Variants in ENOX2 observed in about 807,000 individuals in gnomAD.
ENOX2 encodes APK1 antigen.
In ENOX2, 36 loss-of-function variants were observed where a neutral mutation model predicts 45.0. The observed-to-expected ratio is 0.80, with a 90% CI of 0.61 to 1.06. ENOX2 has a LOEUF of 1.06. Ranked by LOEUF, ENOX2 falls within the 50% of genes least tolerant of loss-of-function variation. The probability of loss-of-function intolerance (pLI) is 0.00; values close to 1 mark genes in which losing one functional copy is unlikely to be tolerated. For missense variants in ENOX2, 423 were observed against 462.5 expected (o/e 0.91, Z 0.78); for synonymous variants, 174 against 152.3 (o/e 1.14, Z -1.05).
In ENOX2 at chrX:130,631,475, C is replaced by A; in HGVS notation, c.1521G>T (p.Leu507=). ...GTGCATTAGCTTCCTTACCCACTAG[C>A]AGTGCTTCACGTTCAGATTTGATAG... ...SSPIKSEREA[L]LVGIISTFLH... Residue 507 remains leucine, a synonymous_variant, in exon 13 of 15, where the codon CTG becomes CTT. Coordinates refer to ENST00000394363, the MANE Select transcript of ENOX2 (RefSeq NM_006375.4). 8.7e-7 allele frequency: 1 copy of A among 1,149,583 alleles called. No individual in the cohort carries two copies. The allele number at this position is 1,149,583 out of a possible 1,213,427, so 94.7% of individuals were successfully genotyped here. A position where few individuals can be genotyped will look rare whatever the true frequency, so the allele number is the denominator to read the frequency against.
At chrX:130,842,298 G>A (rs1397582642) in intron 2 of ENOX2, among the ~76,000 whole-genome samples, 1 of 112,669 alleles carries the variant, frequency 8.9e-6, no homozygotes, top group Admixed American at 9.4e-5. Flanking sequence ...TCAGACAGAA[G>A]CACTGAAAAT....
chrX:130,672,496 G>T (rs1218757021), intron 6 of ENOX2, among the ~76,000 whole-genome samples: 1 of 112,774 alleles, frequency 8.9e-6, no homozygotes, highest in Non-Finnish European at 1.9e-5. Context: ...TTGGCCTGAG[G>T]CCTGAGGTTG....
chrX:130,845,749 G>A lies in ENOX2; in HGVS notation c.-183+55935C>T, dbSNP rs1429046122. On this transcript the variant is annotated intron_variant, in intron 2 of 14. Transcript: ENST00000394363. ...CAAAGTGCTGGGATTACAGGCATGA[G>A]CCACTGCACCTGGCCAACCAATACT... Among the ~76,000 whole-genome samples the A allele has an allele frequency of 2.7e-5, 3 of 112,721 alleles. No individual in the cohort carries two copies. The East Asian group carries it at 8.4e-4, about 31-fold the overall frequency.
intron 12 of ENOX2, among the ~76,000 whole-genome samples, chrX:130,632,017 C>A (rs1001973674): frequency 2.7e-5 from 3 of 110,623 alleles, no homozygotes; most frequent in African/African-American, 9.9e-5. Context: ...GTTAAAAGGA[C>A]CATTGTTTTT....
chrX:130,694,469 A>G (rs898971037), intron 4 of ENOX2, among the ~76,000 whole-genome samples: 6 of 111,508 alleles, frequency 5.4e-5, no homozygotes, highest in East Asian at 2.8e-4. Flanking sequence ...CTAAGATAAC[A>G]GTTGTCTACC....
chrX:130,847,098 C>T (rs1028099877), intron 2 of ENOX2, among the ~76,000 whole-genome samples: 4 of 111,085 alleles, frequency 3.6e-5, no homozygotes, highest in South Asian at 3.7e-4. Flanking sequence ...TGTGTTTTCA[C>T]GTTTGTGTTA....
chrX:130,892,131 T>C (rs1218859904), intron 2 of ENOX2, among the ~76,000 whole-genome samples: 2 of 112,080 alleles, frequency 1.8e-5, no homozygotes, highest in African/African-American at 6.5e-5. Context: ...ATCCTTGTAT[T>C]CACAGCAATA....
chrX:130,768,541 C>T (rs888599323), intron 3 of ENOX2, among the ~76,000 whole-genome samples: 1 of 111,766 alleles, frequency 8.9e-6, no homozygotes, highest in Non-Finnish European at 1.9e-5. Flanking sequence ...TTTTCTTATT[C>T]CCAACTAAGC....
At chrX:130,795,410 T>TA (rs199654147) in intron 2 of ENOX2, among the ~76,000 whole-genome samples, 13 of 110,294 alleles carry the variant, frequency 1.2e-4, no homozygotes, top group African/African-American at 1.6e-4. Context: ...TGCTGTTGTA[T>TA]AAAAAAAAAG....
At chrX:130,648,832 G>A (rs1235362117) in intron 10 of ENOX2, among the ~76,000 whole-genome samples, 3 of 107,978 alleles carry the variant, frequency 2.8e-5, no homozygotes, top group African/African-American at 6.8e-5. Flanking sequence ...GGTGGGTCAC[G>A]AGGTCAGGAG....
intron 3 of ENOX2, among the ~76,000 whole-genome samples, chrX:130,733,809 C>T (rs182449040): frequency 1.2e-4 from 13 of 111,631 alleles, no homozygotes; most frequent in African/African-American, 3.9e-4. Context: ...ATATGAGAAA[C>T]GGAATTGTTC....
intron 3 of ENOX2, among the ~76,000 whole-genome samples, chrX:130,715,157 G>C (rs963027666): frequency 1.8e-5 from 2 of 111,514 alleles, no homozygotes; most frequent in Non-Finnish European, 3.8e-5. Flanking sequence ...ACTCTGAGAG[G>C]ATGGGTGTTG....
At position 130,757,053 on chromosome X, in the gene ENOX2, C is replaced by G. The variant is rs892360736; in HGVS notation, c.-39+26494G>C. Among the ~76,000 whole-genome samples, 5 of 112,062 alleles carry G rather than the reference C, an allele frequency of 4.5e-5. No individual in the cohort carries two copies. In the Admixed American group the frequency reaches 4.7e-4, roughly 11 times the overall value. ...ACTAAAGCATAAAATTTTCATACGT[C>G]CCATAAGAATTCTCAAATCTTAATT... On this transcript the variant is annotated intron_variant, in intron 3 of 14. Coordinates refer to ENST00000394363, the MANE Select transcript of ENOX2 (RefSeq NM_006375.4).
In ENOX2 at chrX:130,667,558, C is replaced by G. The variant is rs374692835; in HGVS notation, c.879G>C (p.Lys293Asn). 8.3e-7 allele frequency: 1 copy of G among 1,209,214 alleles called. No homozygotes were observed. The highest frequency in any genetic ancestry group is 1.8e-5 in the African/African-American group (1 of 57,048). Residue 293 changes from lysine to asparagine, a missense_variant, in exon 8 of 15, where the codon AAG (lysine) becomes AAC (asparagine). Physicochemically the swap from Lys to Asn is moderately conservative, Grantham distance 94. Transcript: ENST00000394363. Reference sequence around the variant, plus strand: ...GAATGAGAATTCCAGAAAGGGCCTGCTTGAACTTCTCCTTTGCTTCTTCCA... The same window carrying G: ...GAATGAGAATTCCAGAAAGGGCCTGGTTGAACTTCTCCTTTGCTTCTTCCA... ...KDMEEAKEKF[K>N]QALSGILIQF... is the part of the protein sequence containing the mutation.
intron 1 of ENOX2, 28 bp downstream of exon 1, chrX:130,903,021 G>A (rs181559065): frequency 0.012 from 1,310 of 111,007 alleles, 3 homozygotes; most frequent in Middle Eastern, 0.018. Flanking sequence ...CCCCAGCCAC[G>A]GCCACCGGGG....
At chrX:130,627,603 A>G (rs1251340936) in intron 14 of ENOX2, among the ~76,000 whole-genome samples, 1 of 111,785 alleles carries the variant, frequency 8.9e-6, no homozygotes, top group African/African-American at 3.3e-5. Context: ...TTGGTGGGTA[A>G]GAAAGCTGAT....
intron 12 of ENOX2, among the ~76,000 whole-genome samples, chrX:130,632,597 A>G (rs1448875618): frequency 8.9e-6 from 1 of 112,011 alleles, no homozygotes; most frequent in African/African-American, 3.2e-5. Flanking sequence ...TGGGGGGCAG[A>G]TCATGGCTGA....
chrX:130,773,769 A>G (rs906565889), intron 3 of ENOX2, among the ~76,000 whole-genome samples: 8 of 112,340 alleles, frequency 7.1e-5, no homozygotes, highest in Non-Finnish European at 1.3e-4. Flanking sequence ...TAAAATTCAA[A>G]TGCAGAATAA....
intron 3 of ENOX2, among the ~76,000 whole-genome samples, chrX:130,719,589 GC>G (rs2038423003): frequency 2.7e-5 from 3 of 112,273 alleles, no homozygotes; most frequent in Non-Finnish European, 5.6e-5. Context: ...ACCCCACATG[GC>G]CTCTGAAGGG....
Sources: gnomAD v4.1 joint callset for allele counts (sites outside exome capture counted in the v4.1 genomes callset) on GRCh38, gnomAD v4.1.1 for gene constraint, MANE v1.5 for transcripts, NCBI Gene and HGNC (gene_info 2026-07-23, HGNC 2026-07-21) for gene names.